The following PDGFD variants were observed in gnomAD, a reference collection of about 807,000 sequenced individuals.
The protein encoded by PDGFD is platelet derived growth factor D, also known as platelet-derived growth factor D.
PDGFD carries 30 observed loss-of-function variants against 44.7 expected under a neutral mutation model. That is an observed-to-expected ratio of 0.67 (90% CI 0.50 to 0.91). PDGFD has a LOEUF of 0.91. Among genes scored for constraint, PDGFD ranks in the 40% least tolerant of loss-of-function variants. The probability of loss-of-function intolerance (pLI) is 0.00; values close to 1 mark genes in which losing one functional copy is unlikely to be tolerated. For missense variants in PDGFD, 445 were observed against 457.8 expected (o/e 0.97, Z 0.25); for synonymous variants, 173 against 168.4 (o/e 1.03, Z -0.21).
At chr11:104,003,523 C>T (rs1307159374) in intron 1 of PDGFD, among the ~76,000 whole-genome samples, 1 of 152,116 alleles carries the variant, frequency 6.6e-6, no homozygotes, top group South Asian at 2.1e-4. Flanking sequence ...AGTGATGCCA[C>T]TTTGGGGGAA....
At chr11:104,148,129 G>GT (rs1255295193) in intron 1 of PDGFD, among the ~76,000 whole-genome samples, 2 of 152,028 alleles carry the variant, frequency 1.3e-5, no homozygotes, top group African/African-American at 2.4e-5. Context: ...ATGACTATAA[G>GT]TTTTTTTAAC....
At chr11:103,910,387 A>C (rs1233719208) in intron 6 of PDGFD, among the ~76,000 whole-genome samples, 2 of 152,224 alleles carry the variant, frequency 1.3e-5, no homozygotes, top group African/African-American at 4.8e-5. Context: ...TCCATTCCCA[A>C]CTGAGGTACC....
At chr11:104,097,045 C>T (rs1195280222) in intron 1 of PDGFD, among the ~76,000 whole-genome samples, 1 of 152,276 alleles carries the variant, frequency 6.6e-6, no homozygotes, top group East Asian at 1.9e-4. Flanking sequence ...TGGACATTAT[C>T]ACTCTACGAC....
At chr11:104,143,438 T>A (rs1591184902) in intron 1 of PDGFD, among the ~76,000 whole-genome samples, 1 of 152,218 alleles carries the variant, frequency 6.6e-6, no homozygotes, top group African/African-American at 2.4e-5. Context: ...GGAATTCTTA[T>A]TGGATTTTGG....
chr11:103,924,105 G>A (rs1050525829), intron 6 of PDGFD, among the ~76,000 whole-genome samples: 14 of 152,174 alleles, frequency 9.2e-5, no homozygotes, highest in Non-Finnish European at 1.6e-4. Context: ...CTGGCTGGGA[G>A]GCAAGGGTCT....
chr11:104,156,819 G>A (rs150772759), intron 1 of PDGFD, among the ~76,000 whole-genome samples: 176 of 152,312 alleles, frequency 1.2e-3, no homozygotes, highest in African/African-American at 3.9e-3. Flanking sequence ...TCCTGTATGT[G>A]TACTTGTGCC....
chr11:104,102,884 C>T (rs1343764980), intron 1 of PDGFD, among the ~76,000 whole-genome samples: 1 of 152,006 alleles, frequency 6.6e-6, no homozygotes, highest in Admixed American at 6.6e-5. Context: ...ACAATGAGAA[C>T]ACATGGACAC....
chr11:103,981,065 C>A (rs898423529), intron 3 of PDGFD, among the ~76,000 whole-genome samples: 1 of 149,048 alleles, frequency 6.7e-6, no homozygotes, highest in African/African-American at 2.6e-5. Context: ...GAACGTAATC[C>A]CCAATGTAAC....
intron 1 of PDGFD, among the ~76,000 whole-genome samples, chr11:104,125,202 A>G (rs925682724): frequency 2.6e-5 from 4 of 152,142 alleles, no homozygotes; most frequent in Non-Finnish European, 5.9e-5. Context: ...CCTTCACAGC[A>G]TGGCTCAGAG....
intron 3 of PDGFD, among the ~76,000 whole-genome samples, chr11:103,969,474 G>GTTTTTTTTT (rs66571550): frequency 3.3e-5 from 3 of 89,806 alleles, no homozygotes; most frequent in African/African-American, 4.4e-5. Context: ...ACCAAGCCTG[G>GTTTTTTTTT]TTTTTTTTTT....
At chr11:104,062,349 T>C (rs1027440921) in intron 1 of PDGFD, among the ~76,000 whole-genome samples, 2 of 152,236 alleles carry the variant, frequency 1.3e-5, no homozygotes, top group African/African-American at 4.8e-5. Context: ...CCATCTGTTC[T>C]TTCTCTGCAT....
intron 1 of PDGFD, among the ~76,000 whole-genome samples, chr11:104,141,958 T>A (rs1220825516): frequency 6.6e-6 from 1 of 152,154 alleles, no homozygotes; most frequent in Non-Finnish European, 1.5e-5. Context: ...TAATATACCA[T>A]CTTTATAGCC....
At chr11:103,921,315 G>C (rs481552) in intron 6 of PDGFD, among the ~76,000 whole-genome samples, 69,507 of 151,972 alleles carry the variant, frequency 0.46, 16,530 homozygotes, top group East Asian at 0.69. Flanking sequence ...CCTATTGCTA[G>C]AGAAGGAAAA....
intron 5 of PDGFD, among the ~76,000 whole-genome samples, chr11:103,938,840 G>C (rs566621277): frequency 6.6e-6 from 1 of 152,244 alleles, no homozygotes; most frequent in Non-Finnish European, 1.5e-5. Flanking sequence ...GTTTTTCTCA[G>C]GTTTGTCAAA....
chr11:104,077,553 T>A (rs184345059), intron 1 of PDGFD, among the ~76,000 whole-genome samples: 4 of 152,290 alleles, frequency 2.6e-5, no homozygotes, highest in Admixed American at 2.6e-4. Flanking sequence ...GTTTTTGATA[T>A]GGCTGCAGAA....
intron 1 of PDGFD, among the ~76,000 whole-genome samples, chr11:104,149,249 G>C (rs1380255177): frequency 6.6e-6 from 1 of 152,162 alleles, no homozygotes; most frequent in African/African-American, 2.4e-5. Flanking sequence ...GCAACTTTAA[G>C]TGAAAGGATG....
chr11:104,093,096 ATCTTGTTT>A (rs1380537871), intron 1 of PDGFD, among the ~76,000 whole-genome samples: 1 of 152,142 alleles, frequency 6.6e-6, no homozygotes, highest in Non-Finnish European at 1.5e-5. Flanking sequence ...GCAGGCATTC[ATCTTGTTT>A]TCAACTAGCT....
At position 103,943,627 on chromosome 11, in the gene PDGFD, T is replaced by G; in HGVS notation, c.597A>C (p.Ser199=). The G allele has an allele frequency of 6.2e-7, 1 of 1,612,964 alleles. No individual in the cohort carries two copies. Residue 199 remains serine (S), a synonymous_variant, in exon 5 of 7, where the codon TCA becomes TCC. Coordinates refer to ENST00000393158, the MANE Select transcript of PDGFD (RefSeq NM_025208.5). ...CCGCAATCAGAGTGGGATCCGTTACTGATGGAGAGTTATAGGATACCCCCT... is the reference window on the plus strand; with the variant it reads ...CCGCAATCAGAGTGGGATCCGTTACGGATGGAGAGTTATAGGATACCCCCT... ...SISGVSYNSP[S]VTDPTLIADA...
rs921398383 is a variant in PDGFD at position 103,997,590 on chromosome 11, T to C, written c.330-1345A>G. ...TAATCACTTAATGTTTATATGGTGC[T>C]TGGAAGGTAAAAAGCACTAACAAAG... On this transcript the variant is annotated intron_variant, in intron 2 of 6. Coordinates refer to ENST00000393158, the MANE Select transcript of PDGFD (RefSeq NM_025208.5). Among the ~76,000 whole-genome samples, 92 of 152,294 alleles carry C rather than the reference T, an allele frequency of 6.0e-4. 1 individual carries two copies. Among genetic ancestry groups the C allele is most frequent in the Non-Finnish European group, 2.2e-4 (15 of 68,034 alleles).
Sources: gnomAD v4.1 joint callset for allele counts (sites outside exome capture counted in the v4.1 genomes callset) on GRCh38, gnomAD v4.1.1 for gene constraint, MANE v1.5 for transcripts, NCBI Gene and HGNC (gene_info 2026-07-23, HGNC 2026-07-21) for gene names.